Variants in ROBO1 observed in about 807,000 individuals in gnomAD.
ROBO1 encodes the protein roundabout homolog 1.
In ROBO1, 149 loss-of-function variants were observed where a neutral mutation model predicts 195.9. The observed-to-expected ratio is 0.76, with a 90% CI of 0.67 to 0.87. The LOEUF is 0.87. ROBO1 is among the 40% of genes least tolerant of loss of function. The probability of loss-of-function intolerance (pLI) is 0.00; values close to 1 mark genes in which losing one functional copy is unlikely to be tolerated. For missense variants in ROBO1, 1,933 were observed against 2,068.3 expected (o/e 0.93, Z 1.27); for synonymous variants, 816 against 733.2 (o/e 1.11, Z -1.82).
intron 2 of ROBO1, among the ~76,000 whole-genome samples, chr3:79,381,803 A>G (rs1365985902): frequency 6.6e-6 from 1 of 152,106 alleles, no homozygotes; most frequent in African/African-American, 2.4e-5. Flanking sequence ...GTATATATAT[A>G]TAATTATAGT....
intron 2 of ROBO1, among the ~76,000 whole-genome samples, chr3:79,234,792 T>C (rs2082379644): frequency 6.6e-6 from 1 of 152,036 alleles, no homozygotes; most frequent in Admixed American, 6.6e-5. Context: ...GACATAAAGA[T>C]GGCAACAATA....
At chr3:78,663,223 C>T (rs13062510) in intron 14 of ROBO1, among the ~76,000 whole-genome samples, 41,641 of 150,818 alleles carry the variant, frequency 0.28, 5,973 homozygotes, top group East Asian at 0.56. Context: ...TCCAGGGAAG[C>T]TAGGCAAGTG....
At chr3:78,864,907 T>A (rs987785882) in intron 4 of ROBO1, among the ~76,000 whole-genome samples, 1 of 152,190 alleles carries the variant, frequency 6.6e-6, no homozygotes, top group African/African-American at 2.4e-5. Context: ...TTCGTGATTA[T>A]AAATGGTTTG....
intron 2 of ROBO1, among the ~76,000 whole-genome samples, chr3:79,458,953 T>C (rs1228256088): frequency 1.3e-5 from 2 of 152,052 alleles, no homozygotes; most frequent in Non-Finnish European, 2.9e-5. Flanking sequence ...AAGCAATAAA[T>C]TTAAACTAAA....
At chr3:79,258,579 G>A (rs563531899) in intron 2 of ROBO1, among the ~76,000 whole-genome samples, 114 of 152,108 alleles carry the variant, frequency 7.5e-4, no homozygotes, top group Middle Eastern at 3.4e-3. Flanking sequence ...TATTTTGTGC[G>A]CCATGTCATA....
At chr3:79,253,909 G>C (rs1417534932) in intron 2 of ROBO1, among the ~76,000 whole-genome samples, 1 of 152,148 alleles carries the variant, frequency 6.6e-6, no homozygotes, top group African/African-American at 2.4e-5. Context: ...TTTCAGTTCT[G>C]CCACATGTCT....
chr3:79,715,382 G>C (rs2107258597), intron 1 of ROBO1, among the ~76,000 whole-genome samples: 1 of 152,162 alleles, frequency 6.6e-6, no homozygotes, highest in African/African-American at 2.4e-5. Context: ...CCAACCTTCG[G>C]CAACCATCAC....
At chr3:79,222,210 T>C (rs2082152790) in intron 2 of ROBO1, among the ~76,000 whole-genome samples, 1 of 152,096 alleles carries the variant, frequency 6.6e-6, no homozygotes, top group South Asian at 2.1e-4. Flanking sequence ...TGCCACTGTT[T>C]TCCTAGACAA....
At chr3:79,147,755 A>G (rs2080682940) in intron 2 of ROBO1, among the ~76,000 whole-genome samples, 1 of 152,024 alleles carries the variant, frequency 6.6e-6, no homozygotes, top group African/African-American at 2.4e-5. Flanking sequence ...CATTTAACCA[A>G]TGTCAAACTG....
chr3:78,825,533 A>C (rs2031515417), intron 4 of ROBO1, among the ~76,000 whole-genome samples: 1 of 152,184 alleles, frequency 6.6e-6, no homozygotes, highest in Non-Finnish European at 1.5e-5. Flanking sequence ...TCAGTTCTCT[A>C]GAAAGCAAGA....
At chr3:78,878,466 T>G (rs2035981223) in intron 4 of ROBO1, among the ~76,000 whole-genome samples, 1 of 151,492 alleles carries the variant, frequency 6.6e-6, no homozygotes, top group Non-Finnish European at 1.5e-5. Context: ...GTGCCTGTAA[T>G]TCCAGCTACT....
intron 2 of ROBO1, among the ~76,000 whole-genome samples, chr3:79,426,126 C>G (rs2106975778): frequency 6.6e-6 from 1 of 152,058 alleles, no homozygotes; most frequent in African/African-American, 2.4e-5. Context: ...TACATAAGCA[C>G]AATTCGAAAA....
At chr3:79,451,188 T>C (rs1317924357) in intron 2 of ROBO1, among the ~76,000 whole-genome samples, 1 of 152,066 alleles carries the variant, frequency 6.6e-6, no homozygotes, top group Non-Finnish European at 1.5e-5. Context: ...TTCATTAAAA[T>C]AAGGAATTTT....
At chr3:79,134,064 G>T (rs937613962) in intron 2 of ROBO1, among the ~76,000 whole-genome samples, 13 of 148,756 alleles carry the variant, frequency 8.7e-5, no homozygotes, top group Non-Finnish European at 1.5e-4. Context: ...AAGAGCTTCT[G>T]CACAGCAAAA....
At chr3:78,774,067 C>T (rs2083444220) in intron 4 of ROBO1, among the ~76,000 whole-genome samples, 1 of 152,142 alleles carries the variant, frequency 6.6e-6, no homozygotes, top group Non-Finnish European at 1.5e-5. Context: ...AAGAATTTTG[C>T]CCAAAGAATA....
At chr3:79,699,564 G>T (rs1243310507) in intron 1 of ROBO1, among the ~76,000 whole-genome samples, 1 of 151,458 alleles carries the variant, frequency 6.6e-6, no homozygotes, top group Non-Finnish European at 1.5e-5. Flanking sequence ...ACCTACCAGG[G>T]GTACAATTTT....
At chr3:78,737,469 T>A (rs2082418401) in intron 5 of ROBO1, among the ~76,000 whole-genome samples, 1 of 152,148 alleles carries the variant, frequency 6.6e-6, no homozygotes, top group Non-Finnish European at 1.5e-5. Context: ...TACAATGACA[T>A]TTAACATGCA....
At position 78,598,708 on chromosome 3, in the gene ROBO1, A is replaced by C. The variant is rs1380127007; in HGVS notation, c.*205T>G. ...TTGCTCCAACAGCGAGGGGAATAGG[A>C]AGGCTCTTTGTAGGGTTAGGGATCA... On this transcript the variant is annotated 3_prime_UTR_variant, in exon 31 of 31. Coordinates refer to ENST00000464233, the MANE Select transcript of ROBO1 (RefSeq NM_002941.4). 19 of 396,932 alleles carry C rather than the reference A, an allele frequency of 4.8e-5. No individual in the cohort carries two copies. The South Asian group carries it at 1.0e-3, about 22-fold the overall frequency. 24.6% of individuals were successfully genotyped at this position (396,932 alleles called of 1,614,324 possible).
At chr3:79,327,018 G>A (rs188440816) in intron 2 of ROBO1, among the ~76,000 whole-genome samples, 8 of 151,992 alleles carry the variant, frequency 5.3e-5, no homozygotes, top group South Asian at 2.1e-4. Flanking sequence ...AAAAAGGTAC[G>A]TTATGATGCT....
Sources: gnomAD v4.1 joint callset for allele counts (sites outside exome capture counted in the v4.1 genomes callset) on GRCh38, gnomAD v4.1.1 for gene constraint, MANE v1.5 for transcripts, NCBI Gene and HGNC (gene_info 2026-07-23, HGNC 2026-07-21) for gene names.